Variants in PPP1R9B observed in about 807,000 individuals in gnomAD.
PPP1R9B encodes protein phosphatase 1 regulatory subunit 9B, also known as neurabin-2.
Under a neutral mutation model 75.8 loss-of-function variants are expected in PPP1R9B, and 17 were observed. The observed-to-expected ratio is 0.22, with a 90% CI of 0.15 to 0.34. PPP1R9B has a LOEUF of 0.34. Ranked by LOEUF, PPP1R9B falls within the 10% of genes least tolerant of loss-of-function variation. The pLI is 1.00. For missense variants in PPP1R9B, 875 were observed against 1,196.0 expected, an observed-to-expected ratio of 0.73 and a Z score of 3.96; for synonymous variants, 509 against 535.4, an observed-to-expected ratio of 0.95 and a Z score of 0.68.
In PPP1R9B at chr17:50,149,423, C is replaced by A. The variant is rs370046196; in HGVS notation, c.1091G>T (p.Arg364Met). Residue 364 changes from arginine to methionine, a missense_variant, in exon 1 of 10, where the codon AGG (arginine) becomes ATG (methionine). Physicochemically the swap from Arg to Met is moderately conservative, Grantham distance 91 (BLOSUM62 -1). Transcript: ENST00000612501. This position sits in a 1 kb window ranked among gnomAD's most constrained non-coding sequence, Gnocchi z 7.2. ...KEAAAVAPPE[R>M]GVGNGRAPDV... ...CGGGGCCCGGCCATTGCCCACCCCCCTCTCTGGCGGCGCTACCGCCGCCGC... is the reference window on the plus strand; with the variant it reads ...CGGGGCCCGGCCATTGCCCACCCCCATCTCTGGCGGCGCTACCGCCGCCGC... The A allele has an allele frequency of 8.1e-5, 131 of 1,609,986 alleles. No individual in the cohort carries two copies. The highest frequency in any genetic ancestry group is 1.0e-4 in the Non-Finnish European group (123 of 1,178,608).
rs532902387 is a variant in PPP1R9B at position 50,149,005 on chromosome 17, G to T, written c.1371+138C>A. On this transcript the variant is annotated intron_variant, in intron 1 of 9. Coordinates refer to ENST00000612501, the MANE Select transcript of PPP1R9B (RefSeq NM_032595.5). The surrounding 1 kb of genome is among the most constrained non-coding windows in gnomAD (Gnocchi z 7.2). Reference sequence around the variant, plus strand: ...TGGAACTCCCCCACGCCCCCCTGAGGGTGGGAACTTCTGGGAAGGGGGCTG... The same window carrying T: ...TGGAACTCCCCCACGCCCCCCTGAGTGTGGGAACTTCTGGGAAGGGGGCTG... 2 of 587,044 alleles carry T rather than the reference G, an allele frequency of 3.4e-6. No individual in the cohort carries two copies. The highest frequency in any genetic ancestry group is 5.5e-6 in the Non-Finnish European group (2 of 362,672). The allele number at this position is 587,044 out of a possible 1,614,324, so 36.4% of individuals were successfully genotyped here.
chr17:50,150,441 C>T lies in PPP1R9B; in HGVS notation c.73G>A (p.Ala25Thr). 7.2e-7 allele frequency: 1 copy of T among 1,386,724 alleles called. No homozygotes were observed. The highest frequency in any genetic ancestry group is 9.4e-7 in the Non-Finnish European group (1 of 1,064,972). The allele number at this position is 1,386,724 out of a possible 1,614,324, so 85.9% of individuals were successfully genotyped here. A position where few individuals can be genotyped will look rare whatever the true frequency, so the allele number is the denominator to read the frequency against. The change falls in exon 1 of 10, where the codon GCG becomes ACG. Residue 25 changes from alanine to threonine, a missense_variant. Physicochemically the swap from Ala to Thr is moderately conservative, Grantham distance 58. This residue lies in a region of PPP1R9B where 145 missense variants were observed against 226.1 expected (regional missense o/e 0.64). Coordinates refer to ENST00000612501, the MANE Select transcript of PPP1R9B (RefSeq NM_032595.5). The surrounding 1 kb of genome is among the most constrained non-coding windows in gnomAD (Gnocchi z 8.7). ...SASPHRSAYEAGIQALKPPDA... is the reference protein window; with the variant it reads ...SASPHRSAYETGIQALKPPDA... Reference sequence around the variant, plus strand: ...GGCGGCTTCAGCGCCTGGATGCCCGCCTCGTAGGCGCTGCGGTGCGGGGAG... The same window carrying T: ...GGCGGCTTCAGCGCCTGGATGCCCGTCTCGTAGGCGCTGCGGTGCGGGGAG...
intron 1 of PPP1R9B, among the ~76,000 whole-genome samples, chr17:50,148,828 G>A (rs1224685642): frequency 1.3e-5 from 2 of 152,220 alleles, no homozygotes; most frequent in Non-Finnish European, 2.9e-5. Context: ...GAATGTCCGG[G>A]TGAGGAAGGG....
At chr17:50,144,420 T>C (rs1912461978) in intron 2 of PPP1R9B, among the ~76,000 whole-genome samples, 1 of 152,164 alleles carries the variant, frequency 6.6e-6, no homozygotes, top group Non-Finnish European at 1.5e-5. Flanking sequence ...CCTTTCTCCA[T>C]CCACTTGTGA....
chr17:50,135,925 C>A lies in PPP1R9B; in HGVS notation c.2303+43G>T. The A allele has an allele frequency of 2.1e-6, 3 of 1,433,988 alleles. No homozygotes were observed. The South Asian group carries it at 3.9e-5, about 18-fold the overall frequency. The allele number at this position is 1,433,988 out of a possible 1,614,324, so 88.8% of individuals were successfully genotyped here. A position where few individuals can be genotyped will look rare whatever the true frequency, so the allele number is the denominator to read the frequency against. On this transcript the variant is annotated intron_variant, in intron 8 of 9. Coordinates refer to ENST00000612501, the MANE Select transcript of PPP1R9B (RefSeq NM_032595.5). ...GGAGGGACTGTCCCCAAAAGCCTCT[C>A]AATGCTCCCTGGGCCCAGCCCGCCC...
At chr17:50,141,883 C>G (rs1912392521) in intron 3 of PPP1R9B, among the ~76,000 whole-genome samples, 1 of 152,154 alleles carries the variant, frequency 6.6e-6, no homozygotes, top group Non-Finnish European at 1.5e-5. Flanking sequence ...GGCACACTTC[C>G]TGTGACAATC....
chr17:50,143,079 G>A (rs1218295838), intron 3 of PPP1R9B, among the ~76,000 whole-genome samples: 2 of 152,192 alleles, frequency 1.3e-5, no homozygotes, highest in Non-Finnish European at 2.9e-5. Context: ...CCCTCCTGTT[G>A]TATGCCTTCA....
intron 1 of PPP1R9B, among the ~76,000 whole-genome samples, chr17:50,148,064 G>A (rs1912562114): frequency 6.6e-6 from 1 of 152,124 alleles, no homozygotes; most frequent in South Asian, 2.1e-4. Context: ...GGGGCGGTGA[G>A]GAAGAACCCT....
Position 50,150,278 on chromosome 17 carries a change from C to T in PPP1R9B, c.236G>A (p.Gly79Asp). The T allele has an allele frequency of 7.0e-7, 1 of 1,420,770 alleles. No homozygotes were observed. 88.0% of individuals were successfully genotyped at this position (1,420,770 alleles called of 1,614,324 possible). Residue 79 changes from glycine to aspartate, a missense_variant, in exon 1 of 10, where the codon GGC becomes GAC. Transcript: ENST00000612501. The surrounding 1 kb of genome is among the most constrained non-coding windows in gnomAD (Gnocchi z 8.7). ...GGACGCCCGTGGGGCCTCGGCCAGG[C>T]CCGCGCCGCCGCCCGCCTCGCCCGA... ...GPSGEAGGGA[G>D]LAEAPRASER...
chr17:50,141,468 T>TG, intron 3 of PPP1R9B, 95 bp from the exon 4 acceptor site: 5 of 739,620 alleles, frequency 6.8e-6, no homozygotes, highest in Non-Finnish European at 1.1e-5. Flanking sequence ...CTCCCCAGCC[T>TG]GAGTACATAG....
chr17:50,145,291 T>G (rs753333318), intron 1 of PPP1R9B, 46 bp from the exon 2 acceptor site: 2 of 1,608,514 alleles, frequency 1.2e-6, no homozygotes, highest in East Asian at 2.2e-5. Flanking sequence ...GGAGGACAAG[T>G]GCAGAACTGG....
In PPP1R9B at chr17:50,149,694, C is replaced by A. The variant is rs1312146726; in HGVS notation, c.820G>T (p.Ala274Ser). The change falls in exon 1 of 10, where the codon GCA becomes TCA. Residue 274 changes from alanine to serine, a missense_variant. By Grantham distance (99) the Ala-to-Ser change is moderately conservative. Coordinates refer to ENST00000612501, the MANE Select transcript of PPP1R9B (RefSeq NM_032595.5). This position sits in a 1 kb window ranked among gnomAD's most constrained non-coding sequence, Gnocchi z 7.2. Reference protein sequence around the residue: ...DAPAEKERCPAGQQPPQHRVA... With the variant: ...DAPAEKERCPSGQQPPQHRVA... ...CGGTGCTGCGGGGGCTGCTGCCCTGCGGGGCATCGCTCTTTCTCGGCCGGG... is the reference window on the plus strand; with the variant it reads ...CGGTGCTGCGGGGGCTGCTGCCCTGAGGGGCATCGCTCTTTCTCGGCCGGG... 1 of 1,428,026 alleles carries A rather than the reference C, an allele frequency of 7.0e-7. No homozygotes were observed. The highest frequency in any genetic ancestry group is 1.5e-5 in the African/African-American group (1 of 66,506). 88.5% of individuals were successfully genotyped at this position (1,428,026 alleles called of 1,614,324 possible).
chr17:50,149,961 C>A lies in PPP1R9B; in HGVS notation c.553G>T (p.Val185Phe), dbSNP rs1191096544. 3 of 1,514,736 alleles carry A rather than the reference C, an allele frequency of 2.0e-6. No homozygotes were observed. In the Admixed American group the frequency reaches 6.1e-5, roughly 31 times the overall value. The allele number at this position is 1,514,736 out of a possible 1,614,324, so 93.8% of individuals were successfully genotyped here. The change falls in exon 1 of 10, where the codon GTC becomes TTC. Residue 185 changes from valine to phenylalanine, a missense_variant. Val to Phe is a conservative substitution (Grantham distance 50). Around this residue, in one of 4 missense-constraint regions of PPP1R9B, gnomAD observed 449 missense variants for 475.0 expected, o/e 0.95. Transcript: ENST00000612501. The surrounding 1 kb of genome is among the most constrained non-coding windows in gnomAD (Gnocchi z 7.2). ...GTGCTGCCGTTGAAGCGCACCACGACGTCCAGCTTCCGGTCCTGCAGGCCG... is the reference window on the plus strand; with the variant it reads ...GTGCTGCCGTTGAAGCGCACCACGAAGTCCAGCTTCCGGTCCTGCAGGCCG... ...RAGLQDRKLDVVVRFNGSTEA... is the reference protein window; with the variant it reads ...RAGLQDRKLDFVVRFNGSTEA...
In PPP1R9B at chr17:50,139,889, T is replaced by C. The variant is rs1483912631; in HGVS notation, c.1866+204A>G. ...TTAGGTCCCCCAAGATTAGGGGCTA[T>C]GCTCTCCCCGCAGACTGGGGGCTCT... On this transcript the variant is annotated intron_variant, in intron 5 of 9. Transcript: ENST00000612501. This position sits in a 1 kb window ranked among gnomAD's most constrained non-coding sequence, Gnocchi z 5.0. Among the ~76,000 whole-genome samples, 1 of 152,204 alleles carries C rather than the reference T, an allele frequency of 6.6e-6. No individual in the cohort carries two copies. The highest frequency in any genetic ancestry group is 2.4e-5 in the African/African-American group (1 of 41,456).
At chr17:50,141,053 C>A (rs569854969) in intron 4 of PPP1R9B, among the ~76,000 whole-genome samples, 4 of 152,224 alleles carry the variant, frequency 2.6e-5, no homozygotes, top group African/African-American at 9.6e-5. Flanking sequence ...GCCAGGAAGG[C>A]TGAGTACTGG....
intron 3 of PPP1R9B, 61 bp from the exon 4 acceptor site, chr17:50,141,434 C>T (rs1912375188): frequency 4.4e-6 from 5 of 1,141,664 alleles, no homozygotes; most frequent in Non-Finnish European, 6.3e-6. Context: ...GTAGAGGTAG[C>T]CTCCTCCCAT....
intron 7 of PPP1R9B, among the ~76,000 whole-genome samples, chr17:50,138,232 CTGTGTTACTTGCCCAGATGAGAA>C (rs1912281680): frequency 2.0e-5 from 3 of 151,764 alleles, no homozygotes; most frequent in African/African-American, 7.3e-5. Flanking sequence ...ATCAGCACCT[CTGTGTTACTTGCCCAGATGAGAA>C]TATGCATGCC....
intron 1 of PPP1R9B, among the ~76,000 whole-genome samples, chr17:50,148,827 G>A (rs1339997631): frequency 6.6e-6 from 1 of 152,244 alleles, no homozygotes; most frequent in Non-Finnish European, 1.5e-5. Context: ...GGAATGTCCG[G>A]GTGAGGAAGG....
At position 50,150,397 on chromosome 17, in the gene PPP1R9B, G is replaced by A; in HGVS notation, c.117C>T (p.Asp39=). Residue 39 remains aspartate, a synonymous_variant, in exon 1 of 10, where the codon GAC becomes GAT. Transcript: ENST00000612501. The surrounding 1 kb of genome is among the most constrained non-coding windows in gnomAD (Gnocchi z 8.7). ...TGTGGTGGGCCCCCTTGGGTGCCTCGTCGGGCCCGGGCGCGTCGGGCGGCT... is the reference window on the plus strand; with the variant it reads ...TGTGGTGGGCCCCCTTGGGTGCCTCATCGGGCCCGGGCGCGTCGGGCGGCT... ...ALKPPDAPGP[D]EAPKGAHHKK... is the part of the protein sequence containing the mutation. 1 of 1,406,840 alleles carries A rather than the reference G, an allele frequency of 7.1e-7. No homozygotes were observed. The highest frequency in any genetic ancestry group is 1.5e-5 in the South Asian group (1 of 64,870). 87.1% of individuals were successfully genotyped at this position (1,406,840 alleles called of 1,614,324 possible). A position where few individuals can be genotyped will look rare whatever the true frequency, so the allele number is the denominator to read the frequency against.
Sources: gnomAD v4.1 joint callset for allele counts (sites outside exome capture counted in the v4.1 genomes callset) on GRCh38, gnomAD v4.1.1 for gene constraint, gnomAD v4.1.1 regional missense constraint, Gnocchi (gnomAD v3.1) non-coding constraint, MANE v1.5 for transcripts, NCBI Gene and HGNC (gene_info 2026-07-23, HGNC 2026-07-21) for gene names.